Variants in EEIG2 observed in about 807,000 individuals in gnomAD.
EEIG2 encodes EEIG family member 2.
chr1:108,600,046 G>A, the EEIG2 span, among the ~76,000 whole-genome samples: 1 of 152,216 alleles, frequency 6.6e-6, no homozygotes. Context: ...GTTGTTGGGA[G>A]ATTTCATAGC....
At chr1:108,591,016 T>A in the EEIG2 span, among the ~76,000 whole-genome samples, 1 of 152,226 alleles carries the variant, frequency 6.6e-6, no homozygotes, top group African/African-American at 2.4e-5. Context: ...TCAGCAGCTG[T>A]ATCACTTTAT....
chr1:108,620,276 G>A, the EEIG2 span, among the ~76,000 whole-genome samples: 1 of 152,154 alleles, frequency 6.6e-6, no homozygotes, highest in Admixed American at 6.5e-5. Flanking sequence ...TTAAATCCTA[G>A]TTTTAATATT....
At chr1:108,570,689 A>T in the EEIG2 span, among the ~76,000 whole-genome samples, 4 of 152,302 alleles carry the variant, frequency 2.6e-5, no homozygotes, top group South Asian at 8.3e-4. Flanking sequence ...GATAGGAGGC[A>T]GTGGGTAGTA....
At chr1:108,588,531 A>G in the EEIG2 span, among the ~76,000 whole-genome samples, 17 of 152,208 alleles carry the variant, frequency 1.1e-4, no homozygotes, top group African/African-American at 2.6e-4. Flanking sequence ...GACAATTTGT[A>G]ATTGTATAAG....
At chr1:108,612,581 A>G in the EEIG2 span, among the ~76,000 whole-genome samples, 1 of 152,250 alleles carries the variant, frequency 6.6e-6, no homozygotes, top group South Asian at 2.1e-4. Context: ...AAGGAGCATG[A>G]TGAATTAATG....
At chr1:108,565,228 A>T in the EEIG2 span, among the ~76,000 whole-genome samples, 1 of 152,188 alleles carries the variant, frequency 6.6e-6, no homozygotes. Flanking sequence ...AACAATGAGG[A>T]TCTGTTCTGA....
the EEIG2 span, among the ~76,000 whole-genome samples, chr1:108,607,731 A>G: frequency 6.6e-6 from 1 of 152,198 alleles, no homozygotes; most frequent in Non-Finnish European, 1.5e-5. Context: ...GGGCTAGGCA[A>G]ACAACAAGGT....
the EEIG2 span, among the ~76,000 whole-genome samples, chr1:108,602,163 AC>A: frequency 1.1e-3 from 171 of 152,290 alleles, no homozygotes; most frequent in South Asian, 9.9e-3. Flanking sequence ...AGAAGGGGCA[AC>A]CATGTAAAGG....
At chr1:108,560,718 GTTC>G in the EEIG2 span, among the ~76,000 whole-genome samples, 1 of 152,048 alleles carries the variant, frequency 6.6e-6, no homozygotes, top group Non-Finnish European at 1.5e-5. Flanking sequence ...TTGCAAATGG[GTTC>G]TTCTCAGCTG....
the EEIG2 span, among the ~76,000 whole-genome samples, chr1:108,608,641 T>C: frequency 6.6e-6 from 1 of 152,246 alleles, no homozygotes; most frequent in Admixed American, 6.5e-5. Flanking sequence ...GAGCCTGTCA[T>C]ATAAAAGATG....
the EEIG2 span, among the ~76,000 whole-genome samples, chr1:108,586,314 GGTGTGTGTGTGTGTGT>G: frequency 4.0e-4 from 59 of 148,044 alleles, no homozygotes; most frequent in South Asian, 2.6e-3. Context: ...TACGCAGAGG[GGTGTGTGTGTGTGTGT>G]GTGTGTGTGT....
At chr1:108,562,169 T>G in the EEIG2 span, among the ~76,000 whole-genome samples, 1 of 152,260 alleles carries the variant, frequency 6.6e-6, no homozygotes, top group Non-Finnish European at 1.5e-5. Context: ...TTTCCTAAGG[T>G]CCCCTCAGCT....
the EEIG2 span, chr1:108,612,340 C>A: frequency 7.7e-7 from 1 of 1,300,500 alleles, no homozygotes; most frequent in Non-Finnish European, 1.1e-6. Flanking sequence ...AATTATCTGC[C>A]TTTAAATAAG....
chr1:108,597,228 C>A, the EEIG2 span, among the ~76,000 whole-genome samples: 1 of 152,148 alleles, frequency 6.6e-6, no homozygotes, highest in Non-Finnish European at 1.5e-5. Flanking sequence ...CTCATGAAAT[C>A]TTTTCTTTGA....
chr1:108,623,283 G>T, the EEIG2 span, among the ~76,000 whole-genome samples: 5 of 152,092 alleles, frequency 3.3e-5, no homozygotes, highest in African/African-American at 1.2e-4. Context: ...AGACCAGCCT[G>T]GACAACATAG....
the EEIG2 span, among the ~76,000 whole-genome samples, chr1:108,622,099 G>A: frequency 6.6e-6 from 1 of 152,242 alleles, no homozygotes; most frequent in Admixed American, 6.5e-5. Flanking sequence ...GGAGGCTGCA[G>A]TGAGCCGAGA....
At chr1:108,582,316 T>C in the EEIG2 span, among the ~76,000 whole-genome samples, 1 of 152,168 alleles carries the variant, frequency 6.6e-6, no homozygotes, top group Non-Finnish European at 1.5e-5. Flanking sequence ...GAGGTATGCC[T>C]GTATTCCAGG....
the EEIG2 span, among the ~76,000 whole-genome samples, chr1:108,619,101 G>T: frequency 2.0e-5 from 3 of 152,112 alleles, no homozygotes; most frequent in Non-Finnish European, 4.4e-5. Flanking sequence ...ACTTTTTATG[G>T]ATATTCCCTT....
chr1:108,579,413 A>G, the EEIG2 span, among the ~76,000 whole-genome samples: 1 of 147,122 alleles, frequency 6.8e-6, no homozygotes, highest in African/African-American at 2.5e-5. Context: ...ATATGCACCC[A>G]ATACAGGAGC....
Sources: allele counts gnomAD v4.1 joint callset (sites outside exome capture counted in the v4.1 genomes callset), GRCh38; gene constraint gnomAD v4.1.1; transcripts MANE v1.5; gene names NCBI Gene and HGNC (gene_info 2026-07-23, HGNC 2026-07-21).